The following FAM222B variants were observed in gnomAD, a reference collection of about 807,000 sequenced individuals.
FAM222B encodes family with sequence similarity 222 member B, also known as protein FAM222B.
FAM222B carries 12 observed loss-of-function variants against 38.0 expected under a neutral mutation model. The observed-to-expected ratio is 0.32, with a 90% CI of 0.20 to 0.51. The LOEUF is 0.51. FAM222B is among the 20% of genes least tolerant of loss of function. The pLI, the probability that FAM222B is intolerant of heterozygous loss-of-function variation, is 0.97. For missense variants in FAM222B, 716 were observed against 754.2 expected, an observed-to-expected ratio of 0.95 and a Z score of 0.59; for synonymous variants, 329 against 317.2, an observed-to-expected ratio of 1.04 and a Z score of -0.40.
At chr17:28,820,950 C>CTTTTTT (rs1456864304) in intron 1 of FAM222B, among the ~76,000 whole-genome samples, 4 of 144,402 alleles carry the variant, frequency 2.8e-5, no homozygotes, top group African/African-American at 5.0e-5. Flanking sequence ...TGGTAAAACT[C>CTTTTTT]TTTTTATTTT....
chr17:28,772,038 C>G (rs1413273522), intron 1 of FAM222B, among the ~76,000 whole-genome samples: 1 of 151,976 alleles, frequency 6.6e-6, no homozygotes, highest in Non-Finnish European at 1.5e-5. Context: ...GCCTGGGCAA[C>G]AGAGCGAGAC....
chr17:28,815,286 G>A (rs1328194237), intron 1 of FAM222B, among the ~76,000 whole-genome samples: 2 of 149,682 alleles, frequency 1.3e-5, no homozygotes, highest in Non-Finnish European at 3.0e-5. Flanking sequence ...CGATCTCGGC[G>A]CACTGCAACC....
intron 1 of FAM222B, among the ~76,000 whole-genome samples, chr17:28,783,499 C>T (rs79163142): frequency 0.077 from 11,590 of 150,290 alleles, 665 homozygotes; most frequent in Non-Finnish European, 0.11. Flanking sequence ...ATAAAATGTA[C>T]CCTACCTTCA....
chr17:28,766,423 C>T (rs2035329324), intron 2 of FAM222B, among the ~76,000 whole-genome samples, 163 bp downstream of exon 2: 1 of 151,224 alleles, frequency 6.6e-6, no homozygotes, highest in African/African-American at 2.4e-5. Flanking sequence ...CGTCATTGCA[C>T]TCCAGCCTGG....
chr17:28,772,246 T>C (rs1370766599), intron 1 of FAM222B, among the ~76,000 whole-genome samples: 1 of 152,150 alleles, frequency 6.6e-6, no homozygotes, highest in Non-Finnish European at 1.5e-5. Context: ...CCAATCTTTG[T>C]CTTTTTTTCT....
intron 1 of FAM222B, among the ~76,000 whole-genome samples, chr17:28,854,625 AAAC>A (rs1216226900): frequency 6.6e-6 from 1 of 152,150 alleles, no homozygotes; most frequent in Admixed American, 6.5e-5. Context: ...GACTAGGAAC[AAAC>A]AACAACAAAA....
chr17:28,783,509 ATGAGAT>A lies in FAM222B; in HGVS notation c.-40-16808_-40-16803del, dbSNP rs1343423494. Among the ~76,000 whole-genome samples, 120 of 100,840 alleles carry A rather than the reference ATGAGAT, an allele frequency of 1.2e-3. 1 individual carries two copies. The highest frequency in any genetic ancestry group is 2.0e-3 in the South Asian group (5 of 2,448). The allele number at this position is 100,840 out of a possible 152,430, so 66.2% of individuals were successfully genotyped here. ...CATTTATAAAATGTACCCTACCTTC[ATGAGAT>A]TTTTTTTTTTTTTTTTAAACAAAGT... On this transcript the variant is annotated intron_variant, in intron 1 of 2. Coordinates refer to ENST00000581407, the MANE Select transcript of FAM222B (RefSeq NM_001077498.3).
intron 1 of FAM222B, among the ~76,000 whole-genome samples, chr17:28,776,375 C>CAAAA (rs35900323): frequency 1.6e-5 from 1 of 62,438 alleles, no homozygotes; most frequent in East Asian, 5.5e-4. Flanking sequence ...GACTCCGTCT[C>CAAAA]AAAAAAAAAA....
chr17:28,761,149 G>A (rs1202411773), intron 2 of FAM222B, among the ~76,000 whole-genome samples: 3 of 152,222 alleles, frequency 2.0e-5, no homozygotes, highest in Admixed American at 6.5e-5. Context: ...CCTCATTAAT[G>A]TTAACAGTCT....
intron 2 of FAM222B, among the ~76,000 whole-genome samples, chr17:28,762,937 C>CAA (rs1158122413): frequency 7.0e-5 from 7 of 100,614 alleles, no homozygotes; most frequent in Non-Finnish European, 1.0e-4. Context: ...GACTCCGTCT[C>CAA]AAAAAAAAAA....
intron 1 of FAM222B, among the ~76,000 whole-genome samples, chr17:28,833,772 T>G (rs2038749034): frequency 6.6e-6 from 1 of 152,130 alleles, no homozygotes; most frequent in Admixed American, 6.6e-5. Context: ...CAACTGAAGC[T>G]TGGACTCACA....
intron 1 of FAM222B, among the ~76,000 whole-genome samples, chr17:28,842,108 A>G (rs1004768509): frequency 3.9e-5 from 6 of 152,196 alleles, no homozygotes; most frequent in Non-Finnish European, 1.5e-5. Context: ...CGTTTGAAGC[A>G]TGACATCTTC....
At chr17:28,793,345 A>G (rs1290952177) in intron 1 of FAM222B, among the ~76,000 whole-genome samples, 1 of 152,198 alleles carries the variant, frequency 6.6e-6, no homozygotes, top group East Asian at 1.9e-4. Flanking sequence ...GCCTTCTTAT[A>G]TCTTCCAGAG....
chr17:28,802,818 G>A (rs138658876), intron 1 of FAM222B: 5 of 153,352 alleles, frequency 3.3e-5, no homozygotes, highest in African/African-American at 1.2e-4. Flanking sequence ...ATGTGGATAA[G>A]AACTAACCAC....
At chr17:28,784,310 T>C (rs572387662) in intron 1 of FAM222B, among the ~76,000 whole-genome samples, 1 of 151,092 alleles carries the variant, frequency 6.6e-6, no homozygotes, top group African/African-American at 2.4e-5. Context: ...TCCAACTCTT[T>C]AAAAACTTTT....
At chr17:28,768,836 C>CAAAAAAA (rs71359249) in intron 1 of FAM222B, among the ~76,000 whole-genome samples, 1 of 70,878 alleles carries the variant, frequency 1.4e-5, no homozygotes, top group African/African-American at 5.5e-5. Flanking sequence ...AACTCTGTCT[C>CAAAAAAA]AAAAAAAAAA....
intron 1 of FAM222B, among the ~76,000 whole-genome samples, chr17:28,836,277 C>T (rs7211502): frequency 1.3e-5 from 2 of 151,830 alleles, no homozygotes; most frequent in Non-Finnish European, 2.9e-5. Flanking sequence ...CATAAGCCAC[C>T]GCGCCTGGCC....
At chr17:28,778,829 G>A (rs1287283319) in intron 1 of FAM222B, among the ~76,000 whole-genome samples, 2 of 145,286 alleles carry the variant, frequency 1.4e-5, no homozygotes, top group African/African-American at 5.2e-5. Context: ...CTCCCAAAGT[G>A]CTGGGATTAT....
rs1413533276 is a variant in FAM222B, at chr17:28,827,243, G to GC, written c.-41+15438dup. On this transcript the variant is annotated intron_variant, in intron 1 of 2. Transcript: ENST00000581407. ...ACGCTGGCTTGCATCTGTAGTCCTAGCTACTTGGGAGGCTGAGGCAGGAGG... is the reference window on the plus strand; with the variant it reads ...ACGCTGGCTTGCATCTGTAGTCCTAGCCTACTTGGGAGGCTGAGGCAGGAGG... Among the ~76,000 whole-genome samples the GC allele has an allele frequency of 1.2e-4, 19 of 152,200 alleles. 1 individual carries two copies. The East Asian group carries it at 3.3e-3, about 26-fold the overall frequency.
Sources: allele counts gnomAD v4.1 joint callset (sites outside exome capture counted in the v4.1 genomes callset), GRCh38; gene constraint gnomAD v4.1.1; transcripts MANE v1.5; gene names NCBI Gene and HGNC (gene_info 2026-07-23, HGNC 2026-07-21).